The following CNBD1 variants were observed in gnomAD, a reference collection of about 807,000 sequenced individuals.
The protein encoded by CNBD1 is cyclic nucleotide binding domain containing 1, also known as cyclic nucleotide-binding domain-containing protein 1.
Under a neutral mutation model 54.4 loss-of-function variants are expected in CNBD1, and 71 were observed. The ratio of observed to expected loss-of-function variants is 1.30; its 90% CI spans 1.08 to 1.59. The LOEUF (loss-of-function observed/expected upper bound fraction) is 1.59. Among genes scored for constraint, CNBD1 ranks in the 40% most tolerant of loss-of-function variants. The pLI is 0.00. For synonymous variants in CNBD1, 182 were observed against 170.7 expected, an observed-to-expected ratio of 1.07 and a Z score of -0.51; for missense variants, 659 against 518.0, an observed-to-expected ratio of 1.27 and a Z score of -2.64.
intron 4 of CNBD1, among the ~76,000 whole-genome samples, chr8:87,146,081 T>C (rs1273227771): frequency 2.6e-5 from 4 of 152,186 alleles, no homozygotes; most frequent in African/African-American, 9.6e-5. Flanking sequence ...TCTTTTTCAA[T>C]ATAAATGGTG....
At chr8:87,210,898 G>A (rs936176767) in intron 5 of CNBD1, among the ~76,000 whole-genome samples, 4 of 152,138 alleles carry the variant, frequency 2.6e-5, no homozygotes, top group Non-Finnish European at 5.9e-5. Flanking sequence ...TGTGGGAAGG[G>A]CACTACTGTT....
At chr8:87,393,199 G>A (rs1811343788) in intron 2 of CNBD1, among the ~76,000 whole-genome samples, 1 of 151,832 alleles carries the variant, frequency 6.6e-6, no homozygotes, top group Non-Finnish European at 1.5e-5. Flanking sequence ...GGATGTTCCA[G>A]TGAGCAGGGA....
At chr8:87,098,772 T>G (rs1406545830) in intron 4 of CNBD1, among the ~76,000 whole-genome samples, 3 of 150,248 alleles carry the variant, frequency 2.0e-5, no homozygotes, top group Non-Finnish European at 4.4e-5. Context: ...GCGCAGTGGC[T>G]CATGCGTGTA....
At chr8:87,209,449 G>T (rs1814047275) in intron 5 of CNBD1, among the ~76,000 whole-genome samples, 1 of 151,968 alleles carries the variant, frequency 6.6e-6, no homozygotes, top group Admixed American at 6.6e-5. Flanking sequence ...AATTACTTAG[G>T]TGTAAATCTA....
intron 5 of CNBD1, among the ~76,000 whole-genome samples, chr8:87,214,639 T>C (rs1814169933): frequency 6.6e-6 from 1 of 152,208 alleles, no homozygotes; most frequent in African/African-American, 2.4e-5. Context: ...TGTCTGAGAC[T>C]GGGTAATTTA....
At chr8:87,206,185 A>C (rs1813971617) in intron 5 of CNBD1, 47 bp downstream of exon 5, 2 of 1,402,654 alleles carry the variant, frequency 1.4e-6, no homozygotes, top group East Asian at 5.3e-5. Flanking sequence ...AATGCAGGCC[A>C]CTGTTTCGAG....
At chr8:87,358,361 C>A (rs1006185743) in intron 10 of CNBD1, among the ~76,000 whole-genome samples, 4 of 152,082 alleles carry the variant, frequency 2.6e-5, no homozygotes, top group Non-Finnish European at 5.9e-5. Context: ...CAAATACAAC[C>A]TCCCTCAAGG....
At chr8:87,410,433 A>G (rs915717028) in intron 2 of CNBD1, among the ~76,000 whole-genome samples, 16 of 152,158 alleles carry the variant, frequency 1.1e-4, no homozygotes, top group East Asian at 7.7e-4. Flanking sequence ...GGAGGCTGAT[A>G]TGTCAACATT....
At chr8:87,277,216 G>T (rs1356830621) in intron 6 of CNBD1, among the ~76,000 whole-genome samples, 1 of 151,600 alleles carries the variant, frequency 6.6e-6, no homozygotes, top group East Asian at 1.9e-4. Context: ...AACTGCTATA[G>T]AGCCAGAAAG....
chr8:86,901,090 G>T (rs188935587), intron 2 of CNBD1, among the ~76,000 whole-genome samples: 3 of 152,104 alleles, frequency 2.0e-5, no homozygotes, highest in Admixed American at 2.0e-4. Flanking sequence ...CTTTGTAGTG[G>T]CCTAATGTTA....
At position 86,981,544 on chromosome 8, in the gene CNBD1, C is replaced by T. The variant is rs140968627; in HGVS notation, c.431+41790C>T. ...ATGTGTACAATTATATAACCATCAC[C>T]GCAATCAAGAGACAGAGTTTTATGC... On this transcript the variant is annotated intron_variant, in intron 4 of 10. Coordinates refer to ENST00000518476, the MANE Select transcript of CNBD1 (RefSeq NM_173538.3). 1.3e-4 allele frequency among the ~76,000 whole-genome samples: 20 copies of T among 152,202 alleles called. No homozygotes were observed. The East Asian group carries it at 1.7e-3, about 13-fold the overall frequency.
chr8:87,364,087 T>C (rs991903044), intron 10 of CNBD1, among the ~76,000 whole-genome samples: 7 of 151,952 alleles, frequency 4.6e-5, no homozygotes, highest in African/African-American at 1.7e-4. Flanking sequence ...CCATTAGGTA[T>C]TTTATAGAGG....
At chr8:87,041,026 T>C (rs928745853) in intron 4 of CNBD1, among the ~76,000 whole-genome samples, 3 of 152,088 alleles carry the variant, frequency 2.0e-5, no homozygotes, top group African/African-American at 7.2e-5. Flanking sequence ...ATTATATTAG[T>C]CTGGTGCAGT....
intron 4 of CNBD1, among the ~76,000 whole-genome samples, chr8:87,144,695 C>A (rs553295902): frequency 7.6e-4 from 116 of 152,040 alleles, no homozygotes; most frequent in Non-Finnish European, 1.4e-3. Context: ...ATGGCATGCA[C>A]CTGTAATCCC....
chr8:87,353,812 G>A, intron 10 of CNBD1, 26 bp downstream of exon 10: 1 of 1,539,058 alleles, frequency 6.5e-7, no homozygotes, highest in Non-Finnish European at 8.8e-7. Context: ...TCTTTTAACT[G>A]TTATACCATT....
chr8:87,029,584 A>T (rs949064895), intron 4 of CNBD1, among the ~76,000 whole-genome samples: 1 of 152,172 alleles, frequency 6.6e-6, no homozygotes, highest in Non-Finnish European at 1.5e-5. Flanking sequence ...TTATGTATAT[A>T]ATTTAGAAAT....
intron 8 of CNBD1, among the ~76,000 whole-genome samples, chr8:87,324,275 G>C (rs1276920251): frequency 1.5e-5 from 1 of 66,696 alleles, no homozygotes; most frequent in Admixed American, 1.3e-4. Context: ...TTTTTTGGTT[G>C]TGTCTCTGCC....
intron 4 of CNBD1, among the ~76,000 whole-genome samples, chr8:87,011,841 T>A (rs1216781980): frequency 6.6e-6 from 1 of 152,102 alleles, no homozygotes; most frequent in Admixed American, 6.5e-5. Context: ...AACAAAAATA[T>A]TAGAAGAATA....
chr8:87,116,426 C>G (rs1811770125), intron 4 of CNBD1, among the ~76,000 whole-genome samples: 1 of 151,878 alleles, frequency 6.6e-6, no homozygotes. Context: ...GTTGCCCAGG[C>G]TGGTCTTGAA....
Sources: allele counts gnomAD v4.1 joint callset (sites outside exome capture counted in the v4.1 genomes callset), GRCh38; gene constraint gnomAD v4.1.1; transcripts MANE v1.5; gene names NCBI Gene and HGNC (gene_info 2026-07-23, HGNC 2026-07-21).